LRRK1: variants seen among roughly 807,000 people sequenced by gnomAD.
The protein encoded by LRRK1 is leucine-rich repeat serine/threonine-protein kinase 1.
In LRRK1, 113 loss-of-function variants were observed where a neutral mutation model predicts 209.1. The observed-to-expected ratio is 0.54, with a 90% confidence interval of 0.46 to 0.63. The LOEUF (loss-of-function observed/expected upper bound fraction) is 0.63, where lower values mean the gene tolerates loss of function less well. Ranked by LOEUF, LRRK1 falls within the 30% of genes least tolerant of loss-of-function variation. The pLI, the probability that LRRK1 is intolerant of heterozygous loss-of-function variation, is 0.00. For missense variants in LRRK1, 2,284 were observed against 2,632.2 expected, an observed-to-expected ratio of 0.87 and a Z score of 2.89; for synonymous variants, 1,144 against 1,099.7, an observed-to-expected ratio of 1.04 and a Z score of -0.80.
At chr15:101,018,623 T>C (rs576277484) in intron 12 of LRRK1, among the ~76,000 whole-genome samples, 2 of 152,248 alleles carry the variant, frequency 1.3e-5, no homozygotes, top group East Asian at 1.9e-4. Context: ...CAGGCATGCA[T>C]GGAAAAGCAC....
chr15:100,929,967 C>G (rs967645210), intron 2 of LRRK1, among the ~76,000 whole-genome samples: 1 of 152,224 alleles, frequency 6.6e-6, no homozygotes, highest in Non-Finnish European at 1.5e-5. Context: ...AAAGCAGAGG[C>G]CAGCTACAGA....
intron 20 of LRRK1, among the ~76,000 whole-genome samples, chr15:101,033,697 T>G (rs536801855): frequency 6.6e-6 from 1 of 152,334 alleles, no homozygotes; most frequent in South Asian, 2.1e-4. Flanking sequence ...TTCCTTATCT[T>G]TGCTATTTTG....
At chr15:100,949,021 T>G (rs2042595231) in intron 2 of LRRK1, among the ~76,000 whole-genome samples, 1 of 151,664 alleles carries the variant, frequency 6.6e-6, no homozygotes, top group Non-Finnish European at 1.5e-5. Context: ...ATAACAAAAA[T>G]TAGAGCAGAA....
rs943470971 is a variant in LRRK1, at chr15:101,049,510, C to T, written c.3300-134C>T. On this transcript the variant is annotated intron_variant, in intron 22 of 33. Transcript: ENST00000388948. Reference sequence around the variant, plus strand: ...GCACACGTACATACAGGGAGGAGTCCCCCATCGGTCCTGCAGGGCACAGAG... The same window carrying T: ...GCACACGTACATACAGGGAGGAGTCTCCCATCGGTCCTGCAGGGCACAGAG... 7.2e-6 allele frequency: 7 copies of T among 968,360 alleles called. No individual in the cohort carries two copies. In the South Asian group the frequency reaches 1.0e-4, roughly 14 times the overall value. 60.0% of individuals were successfully genotyped at this position (968,360 alleles called of 1,614,324 possible). A position where few individuals can be genotyped will look rare whatever the true frequency, so the allele number is the denominator to read the frequency against.
At chr15:101,059,365 T>G in intron 29 of LRRK1, among the ~76,000 whole-genome samples, 1 of 152,154 alleles carries the variant, frequency 6.6e-6, no homozygotes, top group South Asian at 2.1e-4. Flanking sequence ...GCCACTGCAC[T>G]CCAGCCTGGG....
At chr15:100,990,211 C>G (rs1473553738) in intron 6 of LRRK1, among the ~76,000 whole-genome samples, 1 of 152,164 alleles carries the variant, frequency 6.6e-6, no homozygotes, top group Non-Finnish European at 1.5e-5. Context: ...AGTATTCTAT[C>G]ATGGACTTCC....
intron 7 of LRRK1, among the ~76,000 whole-genome samples, chr15:101,009,710 C>T (rs545843320): frequency 7.4e-4 from 112 of 152,248 alleles, no homozygotes; most frequent in African/African-American, 2.2e-3. Flanking sequence ...GTCTCAGCCT[C>T]CCGAGTAACT....
Position 100,954,658 on chromosome 15 carries a change from T to A in LRRK1, c.98-19146T>A, listed in dbSNP as rs191537039. On this transcript the variant is annotated intron_variant, in intron 2 of 33. Coordinates refer to ENST00000388948, the MANE Select transcript of LRRK1 (RefSeq NM_024652.6). The stretch of plus-strand genomic sequence containing the variant: ...TTTAAGTCTTTAATTTATTTCTAGT[T>A]AATTTCTGTGCATGGCATAAGATAT... Among the ~76,000 whole-genome samples, 292 of 152,346 alleles carry A rather than the reference T, an allele frequency of 1.9e-3. 1 individual carries two copies. Among genetic ancestry groups the A allele is most frequent in the Non-Finnish European group, 1.9e-3 (128 of 68,026 alleles).
At position 100,926,680 on chromosome 15, in the gene LRRK1, C is replaced by CTTTTTTTTTTTTTTTTTTTTTTTTTTTT. The variant is rs71151990; in HGVS notation, c.97+1973_97+1974insTTTTTTTTTTTTTTTTTTTTTTTTTTTT. On this transcript the variant is annotated intron_variant, in intron 2 of 33. Coordinates refer to ENST00000388948, the MANE Select transcript of LRRK1 (RefSeq NM_024652.6). ...TCTTTTCTTTTTCTTTTCTTTTTTT[C>CTTTTTTTTTTTTTTTTTTTTTTTTTTTT]TTTTTTTTTTTTTTTTTTTTTTGAG... Among the ~76,000 whole-genome samples the CTTTTTTTTTTTTTTTTTTTTTTTTTTTT allele has an allele frequency of 2.9e-4, 24 of 81,842 alleles. 1 individual carries two copies. The highest frequency in any genetic ancestry group is 6.4e-4 in the Admixed American group (4 of 6,252). 53.7% of individuals were successfully genotyped at this position (81,842 alleles called of 152,430 possible). A position where few individuals can be genotyped will look rare whatever the true frequency, so the allele number is the denominator to read the frequency against.
At position 101,054,928 on chromosome 15, in the gene LRRK1, ATTGT is replaced by A. The variant is rs1567274286; in HGVS notation, c.4055-15_4055-12del. ...AACTGAAATTTTGATACATTTGAAAATTGTTTTTCTTTGCAAGATTCTTCCTTTA... is the reference window on the plus strand; with the variant it reads ...AACTGAAATTTTGATACATTTGAAAATTTTCTTTGCAAGATTCTTCCTTTA... On this transcript the variant is annotated splice_polypyrimidine_tract_variant and intron_variant, in intron 26 of 33. Coordinates refer to ENST00000388948, the MANE Select transcript of LRRK1 (RefSeq NM_024652.6). 1.3e-6 allele frequency: 2 copies of A among 1,559,180 alleles called. No homozygotes were observed. Among genetic ancestry groups the A allele is most frequent in the Non-Finnish European group, 8.6e-7 (1 of 1,156,494 alleles).
chr15:101,057,553 G>A (rs1056732621), intron 28 of LRRK1, among the ~76,000 whole-genome samples: 9 of 152,204 alleles, frequency 5.9e-5, no homozygotes, highest in Non-Finnish European at 1.2e-4. Context: ...TTCTTTAGAA[G>A]AACGCATGTC....
At chr15:100,971,320 T>G in intron 2 of LRRK1, among the ~76,000 whole-genome samples, 1 of 129,888 alleles carries the variant, frequency 7.7e-6, no homozygotes, top group Non-Finnish European at 1.6e-5. Flanking sequence ...GGAAGCAGAG[T>G]GAAACTGTGT....
intron 20 of LRRK1, chr15:101,043,646 A>G (rs1567258963): frequency 6.6e-6 from 1 of 152,152 alleles, no homozygotes; most frequent in Non-Finnish European, 1.5e-5. Flanking sequence ...GAACAAGACC[A>G]TCAGTGTGAT....
At chr15:101,013,321 GGGGCAGCAAACAGCCTGTGGCCCTCCTGA>G (rs1423972508) in intron 10 of LRRK1, among the ~76,000 whole-genome samples, 1 of 152,210 alleles carries the variant, frequency 6.6e-6, no homozygotes, top group Non-Finnish European at 1.5e-5. Context: ...AATTTAATGT[GGGGCAGCAAACAGCCTGTGGCCCTCCTGA>G]GGCCGCCCTG....
Position 101,053,223 on chromosome 15 carries a change from A to G in LRRK1, c.3857A>G (p.Asp1286Gly). ...KFKNFANVPA[D>G]TMLRHLRATD... Reference sequence around the variant, plus strand: ...GCTGACACTGCGCTGTCCCTGGCAGACACCATGCTGAGGCACCTGCGGGCC... The same window carrying G: ...GCTGACACTGCGCTGTCCCTGGCAGGCACCATGCTGAGGCACCTGCGGGCC... Residue 1286 changes from aspartate (D) to glycine (G), a missense_variant and splice_region_variant, in exon 26 of 34, where the codon GAC becomes GGC. Around this residue, in one of 6 missense-constraint regions of LRRK1, gnomAD observed 780 missense variants for 985.2 expected, o/e 0.79. Coordinates refer to ENST00000388948, the MANE Select transcript of LRRK1 (RefSeq NM_024652.6). The G allele has an allele frequency of 6.2e-7, 1 of 1,605,220 alleles. No individual in the cohort carries two copies.
In LRRK1 at chr15:100,919,613, T is replaced by C. The variant is rs1293981145; in HGVS notation, c.-123+162T>C. ...CCGCGTGGTCGGGCACGGGGGGCCG[T>C]TGCGCAGGGGCCGCGGCCCGAGGGG... is the stretch of plus-strand genomic sequence containing the variant. On this transcript the variant is annotated intron_variant, in intron 1 of 33. Transcript: ENST00000388948. The surrounding 1 kb of genome is among the most constrained non-coding windows in gnomAD (Gnocchi z 5.8). 6.7e-6 allele frequency among the ~76,000 whole-genome samples: 1 copy of C among 149,128 alleles called. No individual in the cohort carries two copies. Among genetic ancestry groups the C allele is most frequent in the Non-Finnish European group, 1.5e-5 (1 of 67,004 alleles).
rs373497333 is a variant in LRRK1 at position 101,026,047 on chromosome 15, C to T, written c.2315C>T (p.Ala772Val). The T allele has an allele frequency of 1.0e-4, 162 of 1,614,124 alleles. No individual in the cohort carries two copies. The highest frequency in any genetic ancestry group is 1.3e-4 in the Non-Finnish European group (156 of 1,180,040). Residue 772 changes from alanine (A) to valine (V), a missense_variant, in exon 17 of 34, where the codon GCA (alanine) becomes GTA (valine). By Grantham distance (64) the Ala-to-Val change is moderately conservative. Around this residue, in one of 6 missense-constraint regions of LRRK1, gnomAD observed 780 missense variants for 985.2 expected, o/e 0.79. Coordinates refer to ENST00000388948, the MANE Select transcript of LRRK1 (RefSeq NM_024652.6). ...GCCAAGTTCCGTGTGGAAAGGATTGCAACGCTGCGTGCCTATGTGCTGGCA... is the reference window on the plus strand; with the variant it reads ...GCCAAGTTCCGTGTGGAAAGGATTGTAACGCTGCGTGCCTATGTGCTGGCA... The part of the protein sequence containing the change: ...IEAKFRVERI[A>V]TLRAYVLALC...
In LRRK1 at chr15:100,941,642, G is replaced by A. The variant is rs114395746; in HGVS notation, c.97+16913G>A. Among the ~76,000 whole-genome samples the A allele has an allele frequency of 1.7e-3, 252 of 152,218 alleles. 3 individuals are homozygous for A. The highest frequency in any genetic ancestry group is 5.8e-3 in the African/African-American group (241 of 41,532). On this transcript the variant is annotated intron_variant, in intron 2 of 33. Coordinates refer to ENST00000388948, the MANE Select transcript of LRRK1 (RefSeq NM_024652.6). ...TGGGTGGATGCTGACTGTTCTGCTC[G>A]GGATTCCCCGTAGCTGTCTGTGAAC... is the stretch of plus-strand genomic sequence containing the variant.
rs2035055800 is a variant in LRRK1, at chr15:101,046,009, A to G, written c.2992A>G (p.Lys998Glu). ...SYLLPHLLPS[K>E]PGLDTHGMRH... ...CCTCCTGCCCCATCTCCTTCCATCT[A>G]AACCTGGCCTGGACACCCACGGTAT... The change falls in exon 21 of 34, where the codon AAA becomes GAA. Residue 998 changes from lysine to glutamate, a missense_variant. By Grantham distance (56) the Lys-to-Glu change is moderately conservative. Around this residue, in one of 6 missense-constraint regions of LRRK1, gnomAD observed 780 missense variants for 985.2 expected, o/e 0.79. Coordinates refer to ENST00000388948, the MANE Select transcript of LRRK1 (RefSeq NM_024652.6). 2 of 1,614,100 alleles carry G rather than the reference A, an allele frequency of 1.2e-6. No homozygotes were observed. The highest frequency in any genetic ancestry group is 1.7e-6 in the Non-Finnish European group (2 of 1,179,988).
Sources: gnomAD v4.1 joint callset for allele counts (sites outside exome capture counted in the v4.1 genomes callset) on GRCh38, gnomAD v4.1.1 for gene constraint, gnomAD v4.1.1 regional missense constraint, Gnocchi (gnomAD v3.1) non-coding constraint, MANE v1.5 for transcripts, NCBI Gene and HGNC (gene_info 2026-07-23, HGNC 2026-07-21) for gene names.